SH3BGR: variants seen among roughly 807,000 people sequenced by gnomAD.
SH3BGR encodes SH3 domain-binding glutamic acid-rich protein.
Under a neutral mutation model 24.5 loss-of-function variants are expected in SH3BGR, and 29 were observed. The ratio of observed to expected loss-of-function variants is 1.18; its 90% CI spans 0.88 to 1.61. The LOEUF is 1.61. SH3BGR is among the 40% of genes most tolerant of loss of function. The pLI, the probability that SH3BGR is intolerant of heterozygous loss-of-function variation, is 0.00. For missense variants in SH3BGR, 162 were observed against 205.8 expected (o/e 0.79, Z 1.30); for synonymous variants, 55 against 65.7 (o/e 0.84, Z 0.79).
intron 3 of SH3BGR, among the ~76,000 whole-genome samples, chr21:39,477,471 G>A (rs1379513422): frequency 2.0e-5 from 3 of 152,016 alleles, no homozygotes; most frequent in African/African-American, 7.2e-5. Flanking sequence ...TTTTGAACCT[G>A]GGGTTGCTCA....
chr21:39,454,242 A>G (rs2077619554), intron 1 of SH3BGR, among the ~76,000 whole-genome samples: 1 of 152,230 alleles, frequency 6.6e-6, no homozygotes, highest in Non-Finnish European at 1.5e-5. Context: ...TGTGGCAGTC[A>G]GTCTGCCAAG....
intron 4 of SH3BGR, among the ~76,000 whole-genome samples, chr21:39,505,251 A>G (rs1048829048): frequency 6.6e-6 from 1 of 152,184 alleles, no homozygotes; most frequent in African/African-American, 2.4e-5. Flanking sequence ...GACTCCAGGG[A>G]CTGTGGAGGG....
chr21:39,506,270 G>A (rs967313812), intron 4 of SH3BGR, among the ~76,000 whole-genome samples: 1 of 152,212 alleles, frequency 6.6e-6, no homozygotes, highest in African/African-American at 2.4e-5. Flanking sequence ...AACCTTATGG[G>A]TTAGGAAAGT....
At position 39,499,255 on chromosome 21, in the gene SH3BGR, C is replaced by CATCTATCT. The variant is rs111762804; in HGVS notation, c.313-564_313-563insATCTATCT. Among the ~76,000 whole-genome samples the CATCTATCT allele has an allele frequency of 7.2e-3, 1,090 of 151,194 alleles. 16 individuals carry two copies. The highest frequency in any genetic ancestry group is 0.025 in the African/African-American group (1,043 of 41,328). On this transcript the variant is annotated intron_variant, in intron 3 of 6. Coordinates refer to ENST00000333634, the MANE Select transcript of SH3BGR (RefSeq NM_007341.3). Reference sequence around the variant, plus strand: ...ATCATCCATCCATCCACCTATCTATCATCTGTCTATCTGTCTATCTATCTA... The same window carrying CATCTATCT: ...ATCATCCATCCATCCACCTATCTATCATCTATCTATCTGTCTATCTGTCTATCTATCTA...
intron 1 of SH3BGR, among the ~76,000 whole-genome samples, chr21:39,459,959 T>C (rs2077728021): frequency 1.3e-5 from 2 of 152,360 alleles, no homozygotes; most frequent in East Asian, 1.9e-4. Context: ...TTATAAAAGA[T>C]GGCATCATAC....
At chr21:39,480,282 G>A (rs1174519866) in intron 3 of SH3BGR, among the ~76,000 whole-genome samples, 1 of 152,146 alleles carries the variant, frequency 6.6e-6, no homozygotes, top group African/African-American at 2.4e-5. Flanking sequence ...CACCACCACT[G>A]TCTACTTCCA....
intron 3 of SH3BGR, chr21:39,491,525 C>A: frequency 3.9e-6 from 1 of 255,736 alleles, no homozygotes; most frequent in East Asian, 1.0e-4. Flanking sequence ...TTTCTTCAGT[C>A]TTCTAAGGCC....
chr21:39,483,499 G>A (rs2078163379), intron 3 of SH3BGR, among the ~76,000 whole-genome samples: 1 of 152,052 alleles, frequency 6.6e-6, no homozygotes, highest in African/African-American at 2.4e-5. Context: ...TCCATAATCT[G>A]TCTCATTCAG....
chr21:39,466,594 G>A (rs1569154463), intron 2 of SH3BGR, among the ~76,000 whole-genome samples: 1 of 152,184 alleles, frequency 6.6e-6, no homozygotes, highest in Non-Finnish European at 1.5e-5. Flanking sequence ...TACAATCATG[G>A]TGGAATGGGA....
chr21:39,449,045 G>A (rs1602052420), upstream of SH3BGR, among the ~76,000 whole-genome samples: 1 of 152,266 alleles, frequency 6.6e-6, no homozygotes, highest in Non-Finnish European at 1.5e-5. Context: ...GTGCCCTATA[G>A]TTCACCTGTT....
chr21:39,454,065 G>A (rs528736339), intron 1 of SH3BGR, among the ~76,000 whole-genome samples: 1 of 152,160 alleles, frequency 6.6e-6, no homozygotes, highest in Non-Finnish European at 1.5e-5. Flanking sequence ...TGTGTGAGAA[G>A]AATTTTCCAG....
At chr21:39,478,726 AT>A (rs1193299482) in intron 3 of SH3BGR, among the ~76,000 whole-genome samples, 18 of 151,180 alleles carry the variant, frequency 1.2e-4, no homozygotes, top group Middle Eastern at 3.4e-3. Flanking sequence ...ATATTTTTGT[AT>A]TTTTCTGCTT....
chr21:39,468,681 C>G (rs2077884144), intron 2 of SH3BGR, among the ~76,000 whole-genome samples: 1 of 152,182 alleles, frequency 6.6e-6, no homozygotes, highest in Non-Finnish European at 1.5e-5. Context: ...TCAAGCAATC[C>G]TCCTGCCTTG....
chr21:39,477,779 A>C (rs74431772), intron 3 of SH3BGR, among the ~76,000 whole-genome samples: 12 of 152,152 alleles, frequency 7.9e-5, no homozygotes, highest in African/African-American at 2.9e-4. Flanking sequence ...TTACTGTGCT[A>C]TGAGGAGGGA....
intron 4 of SH3BGR, 48 bp downstream of exon 4, chr21:39,499,963 C>A (rs774782842): frequency 6.7e-6 from 9 of 1,351,492 alleles, no homozygotes; most frequent in South Asian, 1.2e-5. Context: ...CTCTGCTGTT[C>A]GAGACTTTTA....
At chr21:39,499,564 G>A (rs1028838960) in intron 3 of SH3BGR, among the ~76,000 whole-genome samples, 1 of 152,142 alleles carries the variant, frequency 6.6e-6, no homozygotes, top group African/African-American at 2.4e-5. Flanking sequence ...AGCCTGAAGT[G>A]GGTGAACTGA....
intron 2 of SH3BGR, 141 bp from the exon 3 acceptor site, chr21:39,474,994 C>T: frequency 3.4e-6 from 2 of 584,066 alleles, no homozygotes; most frequent in Non-Finnish European, 6.1e-6. Flanking sequence ...GGAGGTTAGT[C>T]ATCTTTGATA....
chr21:39,500,178 G>T (rs2078470381), intron 4 of SH3BGR, among the ~76,000 whole-genome samples: 1 of 152,104 alleles, frequency 6.6e-6, no homozygotes, highest in African/African-American at 2.4e-5. Flanking sequence ...ATTTGTTGTG[G>T]TGGTGTTATG....
intron 3 of SH3BGR, among the ~76,000 whole-genome samples, chr21:39,499,255 C>CATCT (rs111762804): frequency 0.046 from 6,935 of 151,176 alleles, 285 homozygotes; most frequent in African/African-American, 0.11. Context: ...ACCTATCTAT[C>CATCT]ATCTGTCTAT....
Sources: gnomAD v4.1 joint callset for allele counts (sites outside exome capture counted in the v4.1 genomes callset) on GRCh38, gnomAD v4.1.1 for gene constraint, MANE v1.5 for transcripts, NCBI Gene and HGNC (gene_info 2026-07-23, HGNC 2026-07-21) for gene names.